The following PNPLA5 variants were observed in gnomAD, a reference collection of about 807,000 sequenced individuals.
PNPLA5 encodes the protein patatin-like phospholipase domain-containing protein 5.
PNPLA5 carries 44 observed loss-of-function variants against 49.1 expected under a neutral mutation model. The observed-to-expected ratio is 0.90, with a 90% CI of 0.70 to 1.15. The LOEUF (loss-of-function observed/expected upper bound fraction) is 1.15, where lower values mean the gene tolerates loss of function less well. PNPLA5 is among the 50% of genes most tolerant of loss of function. PNPLA5 has a pLI of 0.00. For synonymous variants in PNPLA5, 243 were observed against 244.4 expected (o/e 0.99, Z 0.06); for missense variants, 603 against 564.0 (o/e 1.07, Z -0.70).
rs1335021590 is a variant in PNPLA5 at position 43,889,798 on chromosome 22, C to T, written c.492+1G>A. ...AGAACGGGGTTCCAGAGTGCACTCA[C>T]CTCCCCTCTGAACTCGGGGGGGATC... On this transcript the variant is annotated splice_donor_variant, in intron 3 of 8. Transcript: ENST00000216177. LOFTEE classifies it high-confidence loss of function. 1 of 1,612,324 alleles carries T rather than the reference C, an allele frequency of 6.2e-7. No homozygotes were observed. Among genetic ancestry groups the T allele is most frequent in the Non-Finnish European group, 8.5e-7 (1 of 1,179,468 alleles).
rs2049717824 is a variant in PNPLA5 at position 43,891,080 on chromosome 22, G to A, written c.408C>T (p.Thr136=). The part of the protein sequence containing the change: ...GRNFLVTDFA[T]CDELIQALVC... ...CCCACACCTGGATGAGCTCATCGCAGGTGGCGAAGTCAGTGACCAAGAAGT... is the reference window on the plus strand; with the variant it reads ...CCCACACCTGGATGAGCTCATCGCAAGTGGCGAAGTCAGTGACCAAGAAGT... Residue 136 remains threonine, a synonymous_variant, in exon 2 of 9, where the codon ACC becomes ACT. Transcript: ENST00000216177. 6.2e-6 allele frequency: 10 copies of A among 1,610,784 alleles called. No individual in the cohort carries two copies. The highest frequency in any genetic ancestry group is 8.5e-6 in the Non-Finnish European group (10 of 1,179,052).
In PNPLA5 at chr22:43,889,606, G is replaced by C. The variant is rs973115932; in HGVS notation, c.493-68C>G. The C allele has an allele frequency of 3.2e-6, 5 of 1,547,156 alleles. No individual in the cohort carries two copies. The South Asian group carries it at 6.2e-5, about 19-fold the overall frequency. The stretch of plus-strand genomic sequence containing the variant: ...AGGGCCTCCCACACTGGCTGCAGCC[G>C]GTGACCCTCCAGCTGTCCCTGAGTC... On this transcript the variant is annotated intron_variant, in intron 3 of 8. Transcript: ENST00000216177.
Position 43,891,959 on chromosome 22 carries a change from G to A in PNPLA5, c.-79C>T. On this transcript the variant is annotated 5_prime_UTR_variant, in exon 1 of 9. Transcript: ENST00000216177. ...GGGATAGGGCCGGGATGCAGCCTTG[G>A]ACGGGGCTGGGCCCAAATGTGGGCT... 2.2e-6 allele frequency: 3 copies of A among 1,389,858 alleles called. No individual in the cohort carries two copies. Among genetic ancestry groups the A allele is most frequent in the Middle Eastern group, 2.6e-4 (1 of 3,836 alleles). 86.1% of individuals were successfully genotyped at this position (1,389,858 alleles called of 1,614,324 possible).
intron 1 of PNPLA5, 25 bp from the exon 2 acceptor site, chr22:43,891,319 G>A: frequency 6.5e-7 from 1 of 1,540,308 alleles, no homozygotes; most frequent in Non-Finnish European, 8.7e-7. Flanking sequence ...GGGAAAGGGA[G>A]ACCTCAGCGC....
At position 43,884,348 on chromosome 22, in the gene PNPLA5, G is replaced by A; in HGVS notation, c.950-3C>T. The A allele has an allele frequency of 1.3e-6, 2 of 1,554,670 alleles. No individual in the cohort carries two copies. The highest frequency in any genetic ancestry group is 1.7e-6 in the Non-Finnish European group (2 of 1,149,230). The stretch of plus-strand genomic sequence containing the variant: ...CCTCGTACATGCTTTCTTCAGTGCT[G>A]CAAGAGAAGCCCTGGCATGGCCCTG... On this transcript the variant is annotated splice_region_variant and splice_polypyrimidine_tract_variant and intron_variant, in intron 6 of 8. Transcript: ENST00000216177.
At chr22:43,882,486 G>A (rs1052685366) in intron 7 of PNPLA5, among the ~76,000 whole-genome samples, 3 of 152,218 alleles carry the variant, frequency 2.0e-5, no homozygotes, top group African/African-American at 7.2e-5. Flanking sequence ...CAGAGAGTGT[G>A]GTGTGACGGC....
rs762069801 is a variant in PNPLA5, at chr22:43,886,248, C to T, written c.949+55G>A. 4.0e-5 allele frequency: 62 copies of T among 1,542,154 alleles called. 2 individuals are homozygous for T. The South Asian group carries it at 4.3e-4, about 11-fold the overall frequency. The stretch of plus-strand genomic sequence containing the variant: ...GCCTTCAAGGCAGGGTCCCTGAGCC[C>T]GGGCCCCTGAGTGCAGGGCCCTGGT... On this transcript the variant is annotated intron_variant, in intron 6 of 8. Transcript: ENST00000216177.
Position 43,884,311 on chromosome 22 carries a change from C to G in PNPLA5, c.984G>C (p.Arg328=). The part of the protein sequence containing the change: ...LKKACTRDPS[R]WARFWHSGPG... ...GCCCCGAGTGCCAGAAGCGGGCCCA[C>G]CGGCTGGGATCCCTCGTACATGCTT... The change falls in exon 7 of 9, where the codon CGG becomes CGC. Residue 328 remains arginine (R), a synonymous_variant. Coordinates refer to ENST00000216177, the MANE Select transcript of PNPLA5 (RefSeq NM_138814.4). The G allele has an allele frequency of 6.3e-7, 1 of 1,598,048 alleles. No individual in the cohort carries two copies. Among genetic ancestry groups the G allele is most frequent in the East Asian group, 2.3e-5 (1 of 43,036 alleles).
At chr22:43,884,115 GA>G in intron 7 of PNPLA5, 97 bp downstream of exon 7, 1 of 404,870 alleles carries the variant, frequency 2.5e-6, no homozygotes, top group Non-Finnish European at 4.4e-6. Flanking sequence ...CCACCCCGCC[GA>G]GCCCTACCCA....
At chr22:43,883,292 G>T (rs1289098187) in intron 7 of PNPLA5, among the ~76,000 whole-genome samples, 1 of 152,224 alleles carries the variant, frequency 6.6e-6, no homozygotes, top group Non-Finnish European at 1.5e-5. Flanking sequence ...TGTAGTTACA[G>T]GTGAGTGTGT....
rs1465383602 is a variant in PNPLA5, at chr22:43,886,495, CA to C, written c.764-8del. 1 of 1,608,426 alleles carries C rather than the reference CA, an allele frequency of 6.2e-7. No individual in the cohort carries two copies. The highest frequency in any genetic ancestry group is 8.5e-7 in the Non-Finnish European group (1 of 1,177,540). ...ACTGGTTCCTTGGTGAGTCCTGGGT[CA>C]GGGGAAGGGAGAGGATAAGTCAAGC... On this transcript the variant is annotated splice_region_variant and splice_polypyrimidine_tract_variant and intron_variant, in intron 5 of 8. Coordinates refer to ENST00000216177, the MANE Select transcript of PNPLA5 (RefSeq NM_138814.4).
chr22:43,889,353 T>G lies in PNPLA5; in HGVS notation c.678A>C (p.Ile226=), dbSNP rs2049698434. ...CCTCGAGGCTGGGGGGTATGAGACATATGAGCCCCAGGAAGAAGTTCTCAG... is the reference window on the plus strand; with the variant it reads ...CCTCGAGGCTGGGGGGTATGAGACAGATGAGCCCCAGGAAGAAGTTCTCAG... ...ISTENFFLGL[I]CLIPPSLEVV... is the part of the protein sequence containing the mutation. The change falls in exon 4 of 9, where the codon ATA becomes ATC. Residue 226 remains isoleucine (I), a synonymous_variant. Transcript: ENST00000216177. The G allele has an allele frequency of 6.2e-7, 1 of 1,613,782 alleles. No individual in the cohort carries two copies. Among genetic ancestry groups the G allele is most frequent in the East Asian group, 2.2e-5 (1 of 44,854 alleles).
intron 7 of PNPLA5, among the ~76,000 whole-genome samples, chr22:43,883,547 T>C (rs5764374): frequency 0.49 from 75,123 of 152,178 alleles, 19,413 homozygotes; most frequent in East Asian, 0.94. Context: ...CGGTGGCTCA[T>C]GCCTGTCATC....
intron 6 of PNPLA5, among the ~76,000 whole-genome samples, chr22:43,885,341 C>G (rs2148327442): frequency 6.6e-6 from 1 of 152,160 alleles, no homozygotes; most frequent in Non-Finnish European, 1.5e-5. Context: ...CTGATCTGGC[C>G]TCGACCGCCA....
chr22:43,891,523 T>C (rs75485458), intron 1 of PNPLA5, 165 bp downstream of exon 1: 22,890 of 849,798 alleles, frequency 0.027, 345 homozygotes, highest in Non-Finnish European at 0.03. Flanking sequence ...CCTCTGCAAA[T>C]GGGGGTCACC....
At position 43,891,809 on chromosome 22, in the gene PNPLA5, G is replaced by A. The variant is rs748898005; in HGVS notation, c.72C>T (p.His24=). The A allele has an allele frequency of 7.2e-5, 110 of 1,522,056 alleles. 1 individual carries two copies. The highest frequency in any genetic ancestry group is 2.5e-4 in the East Asian group (10 of 40,256). The allele number at this position is 1,522,056 out of a possible 1,614,324, so 94.3% of individuals were successfully genotyped here. A position where few individuals can be genotyped will look rare whatever the true frequency, so the allele number is the denominator to read the frequency against. ...GGCGCAGGCATTCGGTGGCGCCCAC[G>A]TGGTGGGCGCCCAGGTAGCCGGCGC... ...FSGAGYLGAH[H]VGATECLRQR... The change falls in exon 1 of 9, where the codon CAC becomes CAT. Residue 24 remains histidine, a synonymous_variant. Coordinates refer to ENST00000216177, the MANE Select transcript of PNPLA5 (RefSeq NM_138814.4).
chr22:43,884,331 A>G lies in PNPLA5; in HGVS notation c.964T>C (p.Cys322Arg), dbSNP rs760821376. Residue 322 changes from cysteine (C) to arginine (R), a missense_variant, in exon 7 of 9, where the codon TGT becomes CGT. Cys to Arg is a radical substitution (Grantham distance 180, BLOSUM62 -3). Transcript: ENST00000216177. ...GCCCACCGGCTGGGATCCCTCGTAC[A>G]TGCTTTCTTCAGTGCTGCAAGAGAA... is the stretch of plus-strand genomic sequence containing the variant. The part of the protein sequence containing the change: ...PELEAALKKA[C>R]TRDPSRWARF... 6.9e-6 allele frequency: 11 copies of G among 1,585,626 alleles called. No homozygotes were observed. The highest frequency in any genetic ancestry group is 2.3e-5 in the South Asian group (2 of 87,252).
At chr22:43,887,471 C>G (rs2049677640) in intron 5 of PNPLA5, 120 bp downstream of exon 5, 18 of 1,200,462 alleles carry the variant, frequency 1.5e-5, no homozygotes, top group Non-Finnish European at 2.1e-5. Flanking sequence ...CAGCACAGAG[C>G]AGATGATGAG....
In PNPLA5 at chr22:43,879,796, C is replaced by T. The variant is rs1320412252; in HGVS notation, c.*999G>A. ...CCTCGACCTCCTGGGCTCAAATGATCCTCCATCCTCAGCCTCCCAAGTAGC... is the reference window on the plus strand; with the variant it reads ...CCTCGACCTCCTGGGCTCAAATGATTCTCCATCCTCAGCCTCCCAAGTAGC... On this transcript the variant is annotated 3_prime_UTR_variant, in exon 9 of 9. Coordinates refer to ENST00000216177, the MANE Select transcript of PNPLA5 (RefSeq NM_138814.4). 6.6e-6 allele frequency: 1 copy of T among 152,128 alleles called. No homozygotes were observed. The highest frequency in any genetic ancestry group is 1.5e-5 in the Non-Finnish European group (1 of 68,034). 9.4% of individuals were successfully genotyped at this position (152,128 alleles called of 1,614,324 possible). A position where few individuals can be genotyped will look rare whatever the true frequency, so the allele number is the denominator to read the frequency against.
Sources: allele counts gnomAD v4.1 joint callset (sites outside exome capture counted in the v4.1 genomes callset), GRCh38; gene constraint gnomAD v4.1.1; transcripts MANE v1.5; gene names NCBI Gene and HGNC (gene_info 2026-07-23, HGNC 2026-07-21).